ZNF207: variants seen among roughly 807,000 people sequenced by gnomAD.
ZNF207 encodes BUB3-interacting and GLEBS motif-containing protein ZNF207.
A neutral mutation model predicts 60.2 loss-of-function variants in ZNF207; 24 were observed. The ratio of observed to expected loss-of-function variants is 0.40; its 90% CI spans 0.29 to 0.56. ZNF207 has a LOEUF of 0.56. Among genes scored for constraint, ZNF207 ranks in the 20% least tolerant of loss-of-function variants. ZNF207 has a pLI of 0.49. For synonymous variants in ZNF207, 236 were observed against 194.7 expected, an observed-to-expected ratio of 1.21 and a Z score of -1.77; for missense variants, 452 against 636.6, an observed-to-expected ratio of 0.71 and a Z score of 3.12.
chr17:32,360,500 G>T (rs1308578542), intron 3 of ZNF207, 98 bp from the exon 4 acceptor site: 4 of 1,187,984 alleles, frequency 3.4e-6, no homozygotes, highest in Non-Finnish European at 4.6e-6. Flanking sequence ...AAAATCTCAT[G>T]AAGTAATTTT....
chr17:32,369,496 A>T (rs558059202), intron 11 of ZNF207, 42 bp downstream of exon 11: 2 of 1,606,836 alleles, frequency 1.2e-6, no homozygotes, highest in Non-Finnish European at 1.7e-6. Flanking sequence ...TGGATTTTCT[A>T]AGTTCACGCA....
chr17:32,358,715 T>TC, intron 3 of ZNF207, 74 bp downstream of exon 3: 3 of 1,181,220 alleles, frequency 2.5e-6, no homozygotes, highest in South Asian at 6.9e-5. Context: ...AGAGGCTTAC[T>TC]CTGTCCAGCC....
rs1034311754 is a variant in ZNF207 at position 32,378,632 on chromosome 17, T to C, written c.*8873T>C. On this transcript the variant is annotated 3_prime_UTR_variant, in exon 12 of 12. Coordinates refer to ENST00000394670, the MANE Select transcript of ZNF207 (RefSeq NM_001098507.2). ...CATCAAGAAATGTAGCTAGATTCTT[T>C]ATGTAACACTTTTGAGGGGCAGTGG... is the stretch of plus-strand genomic sequence containing the variant. The C allele has an allele frequency of 2.0e-5, 3 of 152,100 alleles. No homozygotes were observed. Among genetic ancestry groups the C allele is most frequent in the African/African-American group, 7.2e-5 (3 of 41,448 alleles). The allele number at this position is 152,100 out of a possible 1,614,324, so 9.4% of individuals were successfully genotyped here. A position where few individuals can be genotyped will look rare whatever the true frequency, so the allele number is the denominator to read the frequency against.
At chr17:32,367,036 T>C (rs1225681199) in intron 9 of ZNF207, among the ~76,000 whole-genome samples, 1 of 151,818 alleles carries the variant, frequency 6.6e-6, no homozygotes, top group African/African-American at 2.4e-5. Flanking sequence ...TATTTTGATT[T>C]AATGCTGTTT....
chr17:32,360,184 C>CG (rs1034797393), intron 3 of ZNF207, among the ~76,000 whole-genome samples: 6 of 113,088 alleles, frequency 5.3e-5, no homozygotes, highest in Non-Finnish European at 1.2e-4. Context: ...TTACCCCCCC[C>CG]CCAAAAAAAA....
intron 7 of ZNF207, among the ~76,000 whole-genome samples, chr17:32,364,361 CT>C (rs397858000): frequency 8.6e-4 from 118 of 137,330 alleles, no homozygotes; most frequent in Non-Finnish European, 9.9e-4. Flanking sequence ...GTTTTTTTTT[CT>C]TTTTTTTTTT....
intron 2 of ZNF207, among the ~76,000 whole-genome samples, chr17:32,353,838 T>A (rs2150787487): frequency 6.7e-6 from 1 of 149,000 alleles, no homozygotes; most frequent in African/African-American, 2.5e-5. Context: ...AAAAAAAAAT[T>A]GTTAGAGAAC....
chr17:32,369,663 G>A lies in ZNF207; in HGVS notation c.1389G>A (p.Gly463=), dbSNP rs1905376936. The change falls in exon 12 of 12, where the codon GGG becomes GGA. Residue 463 remains glycine, a synonymous_variant. Coordinates refer to ENST00000394670, the MANE Select transcript of ZNF207 (RefSeq NM_001098507.2). Reference sequence around the variant, plus strand: ...TTCCTGGTGCTATGCCCCCGTATGGGCAGGGACCGCCAATGGTGCCCCCTT... The same window carrying A: ...TTCCTGGTGCTATGCCCCCGTATGGACAGGGACCGCCAATGGTGCCCCCTT... ...GYLPGAMPPY[G]QGPPMVPPYQ... is the part of the protein sequence containing the mutation. The A allele has an allele frequency of 1.3e-6, 2 of 1,598,956 alleles. No individual in the cohort carries two copies. Among genetic ancestry groups the A allele is most frequent in the Admixed American group, 1.7e-5 (1 of 57,872 alleles).
chr17:32,361,514 A>C lies in ZNF207; in HGVS notation c.598A>C (p.Ile200Leu), dbSNP rs904589427. Residue 200 changes from isoleucine (I) to leucine (L), a missense_variant and splice_region_variant, in exon 6 of 12, where the codon ATA (isoleucine) becomes CTA (leucine). Around this residue, in one of 2 missense-constraint regions of ZNF207, gnomAD observed 390 missense variants for 461.4 expected, o/e 0.85. Transcript: ENST00000394670. ...KYTQSFCGEN[I>L]MMPMGGMMPP... ...CACCCAGTCATTTTGCGGTGAAAAC[A>C]TGTAAGCATCTCATTCATAATGTAA... 1 of 1,607,356 alleles carries C rather than the reference A, an allele frequency of 6.2e-7. No individual in the cohort carries two copies. The highest frequency in any genetic ancestry group is 8.5e-7 in the Non-Finnish European group (1 of 1,176,480).
rs976392414 is a variant in ZNF207, at chr17:32,374,531, TA to T, written c.*4774del. ...CGCGCTTGGCCAAAATCTGCATTCT[TA>T]ATCACAAACTTACGCATTGAATGTT... On this transcript the variant is annotated 3_prime_UTR_variant, in exon 12 of 12. Transcript: ENST00000394670. 1.3e-5 allele frequency: 2 copies of T among 152,222 alleles called. No homozygotes were observed. Among genetic ancestry groups the T allele is most frequent in the African/African-American group, 4.8e-5 (2 of 41,448 alleles). The allele number at this position is 152,222 out of a possible 1,614,324, so 9.4% of individuals were successfully genotyped here. A position where few individuals can be genotyped will look rare whatever the true frequency, so the allele number is the denominator to read the frequency against.
chr17:32,350,582 G>A (rs1040846262), intron 1 of ZNF207, among the ~76,000 whole-genome samples: 6 of 152,152 alleles, frequency 3.9e-5, no homozygotes, highest in Non-Finnish European at 8.8e-5. Context: ...TGGACTCCGG[G>A]AGGCGGCCTG....
intron 3 of ZNF207, among the ~76,000 whole-genome samples, chr17:32,359,822 C>T (rs1354350013): frequency 2.0e-5 from 3 of 151,926 alleles, no homozygotes; most frequent in African/African-American, 7.3e-5. Flanking sequence ...CTCTTGAGCC[C>T]AAGGGGTTGA....
Position 32,367,916 on chromosome 17 carries a change from G to A in ZNF207, c.1066G>A (p.Ala356Thr), listed in dbSNP as rs1905277370. ...ASTTSTTNST[A>T]AKPAASITSK... ...AACAACTAGTACAACAAATAGTACT[G>A]CAGCTAAACCAGCGGCTTCAATAAC... Residue 356 changes from alanine to threonine, a missense_variant, in exon 10 of 12, where the codon GCA becomes ACA. Around this residue, in one of 2 missense-constraint regions of ZNF207, gnomAD observed 390 missense variants for 461.4 expected, o/e 0.85. Transcript: ENST00000394670. 6.2e-7 allele frequency: 1 copy of A among 1,614,132 alleles called. No individual in the cohort carries two copies. The highest frequency in any genetic ancestry group is 8.5e-7 in the Non-Finnish European group (1 of 1,180,030).
Position 32,373,362 on chromosome 17 carries a change from C to G in ZNF207, c.*3603C>G, listed in dbSNP as rs771413886. The G allele has an allele frequency of 7.5e-6, 5 of 664,016 alleles. No individual in the cohort carries two copies. Among genetic ancestry groups the G allele is most frequent in the East Asian group, 2.7e-5 (1 of 36,974 alleles). 41.1% of individuals were successfully genotyped at this position (664,016 alleles called of 1,614,324 possible). On this transcript the variant is annotated 3_prime_UTR_variant, in exon 12 of 12. Transcript: ENST00000394670. ...GCATGTCTTTTAAATTAATTGGGAACTGTTTTTCTAAAATTAAAATTTTCT... is the reference window on the plus strand; with the variant it reads ...GCATGTCTTTTAAATTAATTGGGAAGTGTTTTTCTAAAATTAAAATTTTCT...
At chr17:32,357,343 TTA>T (rs1421143625) in intron 2 of ZNF207, among the ~76,000 whole-genome samples, 6 of 75,118 alleles carry the variant, frequency 8.0e-5, no homozygotes, top group South Asian at 8.0e-4. Context: ...ATTATTATTA[TTA>T]TTATTATTTT....
In ZNF207 at chr17:32,377,474, G is replaced by C. The variant is rs1294705413; in HGVS notation, c.*7715G>C. ...TTTTACCTGTTCGCTTATTCAAAGA[G>C]AAACAATAGAATTTGCTTCTCAGTA... On this transcript the variant is annotated 3_prime_UTR_variant, in exon 12 of 12. Transcript: ENST00000394670. 2 of 151,950 alleles carry C rather than the reference G, an allele frequency of 1.3e-5. No homozygotes were observed. The highest frequency in any genetic ancestry group is 3.8e-4 in the East Asian group (2 of 5,200). 9.4% of individuals were successfully genotyped at this position (151,950 alleles called of 1,614,324 possible).
rs750826345 is a variant in ZNF207, at chr17:32,360,881, C to G, written c.476-11C>G. 6.2e-7 allele frequency: 1 copy of G among 1,613,780 alleles called. No individual in the cohort carries two copies. The highest frequency in any genetic ancestry group is 1.3e-5 in the African/African-American group (1 of 74,878). The stretch of plus-strand genomic sequence containing the variant: ...ATTTGTTATTATTTTGATTGAAATT[C>G]TTGCTTGTAGGCATACCTCCATTAA... On this transcript the variant is annotated splice_polypyrimidine_tract_variant and intron_variant, in intron 4 of 11. Coordinates refer to ENST00000394670, the MANE Select transcript of ZNF207 (RefSeq NM_001098507.2).
chr17:32,360,578 T>C lies in ZNF207; in HGVS notation c.308-20T>C. On this transcript the variant is annotated intron_variant, in intron 3 of 11. Transcript: ENST00000394670. ...TTTCTTAGTTTTTACTCTATGGAAA[T>C]AATTTTTTTTTTTTAACAGAAAGTC... is the stretch of plus-strand genomic sequence containing the variant. 6.3e-7 allele frequency: 1 copy of C among 1,578,828 alleles called. No homozygotes were observed. The highest frequency in any genetic ancestry group is 1.2e-5 in the South Asian group (1 of 84,854).
At chr17:32,353,157 G>T (rs1210081556) in intron 2 of ZNF207, among the ~76,000 whole-genome samples, 1 of 152,254 alleles carries the variant, frequency 6.6e-6, no homozygotes, top group Non-Finnish European at 1.5e-5. Context: ...CTGGGCAACA[G>T]GGTGAGACTC....
Sources: allele counts gnomAD v4.1 joint callset (sites outside exome capture counted in the v4.1 genomes callset), GRCh38; gene constraint gnomAD v4.1.1; regional missense constraint gnomAD v4.1.1; transcripts MANE v1.5; gene names NCBI Gene and HGNC (gene_info 2026-07-23, HGNC 2026-07-21).